Variants in ANXA13 observed in about 807,000 individuals in gnomAD.
ANXA13 encodes annexin A13.
A neutral mutation model predicts 46.6 loss-of-function variants in ANXA13; 36 were observed. That is an observed-to-expected ratio of 0.77 (90% CI 0.59 to 1.02). The LOEUF (loss-of-function observed/expected upper bound fraction) is 1.02, where lower values mean the gene tolerates loss of function less well. ANXA13 is among the 50% of genes least tolerant of loss of function. The pLI, the probability that ANXA13 is intolerant of heterozygous loss-of-function variation, is 0.00. For synonymous variants in ANXA13, 163 were observed against 152.9 expected, an observed-to-expected ratio of 1.07 and a Z score of -0.49; for missense variants, 417 against 396.5, an observed-to-expected ratio of 1.05 and a Z score of -0.44.
chr8:123,681,420 G>C, intron 10 of ANXA13, 61 bp from the exon 11 acceptor site: 2 of 1,526,156 alleles, frequency 1.3e-6, no homozygotes, highest in Non-Finnish European at 1.8e-6. Context: ...CAAACAGTGG[G>C]CACTGTTCTA....
At chr8:123,696,387 C>T (rs1334316609) in intron 4 of ANXA13, among the ~76,000 whole-genome samples, 1 of 152,194 alleles carries the variant, frequency 6.6e-6, no homozygotes, top group Admixed American at 6.5e-5. Flanking sequence ...TCAAACAAGG[C>T]TTCGTTCAGT....
At chr8:123,699,798 C>A (rs184706790) in intron 3 of ANXA13, among the ~76,000 whole-genome samples, 13 of 152,140 alleles carry the variant, frequency 8.5e-5, no homozygotes, top group Admixed American at 4.6e-4. Flanking sequence ...AGCCACAGTA[C>A]CTTTGTGACC....
intron 10 of ANXA13, among the ~76,000 whole-genome samples, chr8:123,682,097 T>C (rs1244835579): frequency 1.3e-5 from 2 of 152,160 alleles, no homozygotes; most frequent in African/African-American, 4.8e-5. Context: ...GGTATAAAAC[T>C]AAGAAAATTG....
In ANXA13 at chr8:123,698,538, T is replaced by C. The variant is rs879242514; in HGVS notation, c.208A>G (p.Ser70Gly). The change falls in exon 4 of 11, where the codon AGT (serine) becomes GGT (glycine). Residue 70 changes from serine to glycine, a missense_variant. Physicochemically the swap from Ser to Gly is moderately conservative, Grantham distance 56. Transcript: ENST00000419625. ...TTCTCGAAGTTTCCACTCAGCTCAC[T>C]CTTGAGTACTTCCTCCAGCTCCTAC... ...YGKELEEVLKSELSGNFEKTA... is the reference protein window; with the variant it reads ...YGKELEEVLKGELSGNFEKTA... The C allele has an allele frequency of 6.2e-7, 1 of 1,614,168 alleles. No individual in the cohort carries two copies. The highest frequency in any genetic ancestry group is 1.1e-5 in the South Asian group (1 of 91,082).
intron 6 of ANXA13, 132 bp downstream of exon 6, chr8:123,695,370 T>C: frequency 1.4e-6 from 1 of 708,202 alleles, no homozygotes; most frequent in Non-Finnish European, 2.4e-6. Flanking sequence ...GAGCATGGGT[T>C]GATAATCCCT....
chr8:123,716,163 G>A (rs1286380794), intron 1 of ANXA13, among the ~76,000 whole-genome samples: 1 of 152,122 alleles, frequency 6.6e-6, no homozygotes, highest in Non-Finnish European at 1.5e-5. Flanking sequence ...TCGGTTCCCT[G>A]CAGCCTCTGC....
At chr8:123,716,188 C>T (rs889900474) in intron 1 of ANXA13, among the ~76,000 whole-genome samples, 9 of 152,222 alleles carry the variant, frequency 5.9e-5, no homozygotes, top group Non-Finnish European at 1.2e-4. Flanking sequence ...CGGGTTCAAG[C>T]GATTCTCCTG....
At chr8:123,731,077 A>G (rs922976597) in intron 1 of ANXA13, among the ~76,000 whole-genome samples, 1 of 152,198 alleles carries the variant, frequency 6.6e-6, no homozygotes, top group Non-Finnish European at 1.5e-5. Flanking sequence ...AAACTTGAGC[A>G]CATATCAGTT....
At chr8:123,696,556 C>T (rs1240265394) in intron 4 of ANXA13, among the ~76,000 whole-genome samples, 1 of 85,898 alleles carries the variant, frequency 1.2e-5, no homozygotes, top group Non-Finnish European at 3.2e-5. Context: ...TCCTGCTCCC[C>T]CACCCCCCCC....
At chr8:123,715,451 TCTC>T (rs1813741711) in intron 1 of ANXA13, among the ~76,000 whole-genome samples, 1 of 152,232 alleles carries the variant, frequency 6.6e-6, no homozygotes, top group African/African-American at 2.4e-5. Flanking sequence ...GCAACAGAAA[TCTC>T]CTATCACTCG....
intron 3 of ANXA13, among the ~76,000 whole-genome samples, chr8:123,701,581 T>C (rs1813448327): frequency 6.6e-6 from 1 of 152,206 alleles, no homozygotes; most frequent in Non-Finnish European, 1.5e-5. Context: ...AAAATTACAT[T>C]GACGCACCTA....
chr8:123,698,388 C>A lies in ANXA13; in HGVS notation c.357+1G>T. 1.9e-6 allele frequency: 3 copies of A among 1,613,912 alleles called. No individual in the cohort carries two copies. The African/African-American group carries it at 4.0e-5, about 22-fold the overall frequency. ...CCCTTGCGGGCTCAGCTGGGACTGA[C>A]CTTATTGGTCCTCGTGCACAGGACC... On this transcript the variant is annotated splice_donor_variant, in intron 4 of 10. Coordinates refer to ENST00000419625, the MANE Select transcript of ANXA13 (RefSeq NM_004306.4). LOFTEE classifies it high-confidence loss of function.
chr8:123,684,744 A>G, intron 9 of ANXA13, 22 bp from the exon 10 acceptor site: 1 of 1,554,568 alleles, frequency 6.4e-7, no homozygotes, highest in Non-Finnish European at 8.9e-7. Flanking sequence ...AAAGGAAAAG[A>G]GAATGTGAGG....
chr8:123,721,903 A>G (rs1229551726), intron 1 of ANXA13, among the ~76,000 whole-genome samples: 1 of 152,218 alleles, frequency 6.6e-6, no homozygotes, highest in Non-Finnish European at 1.5e-5. Context: ...ATGATGAGAT[A>G]GGGATTCAAA....
intron 1 of ANXA13, among the ~76,000 whole-genome samples, chr8:123,717,793 G>A (rs58762075): frequency 0.071 from 10,825 of 152,258 alleles, 1,252 homozygotes; most frequent in African/African-American, 0.24. Context: ...CTGACGGGGC[G>A]TGTCTCAGCA....
At chr8:123,726,805 A>C (rs1178558678) in intron 1 of ANXA13, among the ~76,000 whole-genome samples, 1 of 152,206 alleles carries the variant, frequency 6.6e-6, no homozygotes, top group Non-Finnish European at 1.5e-5. Flanking sequence ...AACCAACCCA[A>C]ATGCCCATCA....
At chr8:123,734,026 G>A (rs1012829649) in intron 1 of ANXA13, among the ~76,000 whole-genome samples, 5 of 152,226 alleles carry the variant, frequency 3.3e-5, no homozygotes, top group African/African-American at 9.6e-5. Flanking sequence ...AAGTGCCCAC[G>A]CAATGTGGAT....
At chr8:123,723,242 C>A (rs1378254154) in intron 1 of ANXA13, among the ~76,000 whole-genome samples, 1 of 152,176 alleles carries the variant, frequency 6.6e-6, no homozygotes, top group Non-Finnish European at 1.5e-5. Flanking sequence ...CTTCCTGAGT[C>A]CTCGGAGGAC....
chr8:123,729,073 A>G (rs1814058171), intron 1 of ANXA13: 1 of 152,182 alleles, frequency 6.6e-6, no homozygotes, highest in African/African-American at 2.4e-5. Context: ...CGGTGATGAT[A>G]AAGATAAGGC....
Sources: gnomAD v4.1 joint callset for allele counts (sites outside exome capture counted in the v4.1 genomes callset) on GRCh38, gnomAD v4.1.1 for gene constraint, MANE v1.5 for transcripts, NCBI Gene and HGNC (gene_info 2026-07-23, HGNC 2026-07-21) for gene names.